STK32C: variants seen among roughly 807,000 people sequenced by gnomAD.
STK32C encodes the protein serine/threonine-protein kinase 32C.
In STK32C, 31 loss-of-function variants were observed where a neutral mutation model predicts 56.5. That is an observed-to-expected ratio of 0.55 (90% CI 0.41 to 0.74). STK32C has a LOEUF of 0.74. STK32C is among the 30% of genes least tolerant of loss of function. The pLI is 0.00. For synonymous variants in STK32C, 309 were observed against 289.4 expected, an observed-to-expected ratio of 1.07 and a Z score of -0.69; for missense variants, 544 against 676.9, an observed-to-expected ratio of 0.80 and a Z score of 2.18.
At chr10:132,247,809 A>C (rs1707973946) in intron 1 of STK32C, among the ~76,000 whole-genome samples, 1 of 151,746 alleles carries the variant, frequency 6.6e-6, no homozygotes, top group Non-Finnish European at 1.5e-5. Flanking sequence ...TTAGAAAGGC[A>C]CTCCCCACTG....
intron 1 of STK32C, among the ~76,000 whole-genome samples, chr10:132,305,782 G>A (rs866812768): frequency 3.9e-5 from 6 of 152,342 alleles, no homozygotes; most frequent in African/African-American, 1.2e-4. Flanking sequence ...GGAGGGAAGC[G>A]GTCACCGCCC....
At chr10:132,216,950 C>A (rs2062491198) in intron 10 of STK32C, among the ~76,000 whole-genome samples, 1 of 152,308 alleles carries the variant, frequency 6.6e-6, no homozygotes, top group South Asian at 2.1e-4. Flanking sequence ...TCTGCTAGGG[C>A]AATGCAGAAG....
chr10:132,330,740 C>T (rs2066664584), intron 1 of STK32C, among the ~76,000 whole-genome samples: 1 of 148,748 alleles, frequency 6.7e-6, no homozygotes, highest in South Asian at 2.2e-4. Context: ...CAACTCCTGG[C>T]CTCAAGCGAT....
chr10:132,324,706 G>A (rs1434029254), intron 1 of STK32C, among the ~76,000 whole-genome samples: 1 of 152,236 alleles, frequency 6.6e-6, no homozygotes, highest in Non-Finnish European at 1.5e-5. Context: ...TTATTTCTGA[G>A]CTAAATATGA....
intron 1 of STK32C, among the ~76,000 whole-genome samples, chr10:132,287,515 GA>G (rs1296133928): frequency 6.7e-6 from 1 of 149,534 alleles, no homozygotes. Context: ...GCAGTGGCGT[GA>G]TCTCGGCTCA....
At chr10:132,247,322 C>T (rs968631802) in intron 1 of STK32C, among the ~76,000 whole-genome samples, 2 of 152,212 alleles carry the variant, frequency 1.3e-5, no homozygotes, top group Admixed American at 6.5e-5. Flanking sequence ...CCACTCCCTT[C>T]CCAGGGCACC....
chr10:132,209,186 C>T, intron 10 of STK32C, 85 bp from the exon 11 acceptor site: 11 of 1,280,164 alleles, frequency 8.6e-6, no homozygotes, highest in Non-Finnish European at 1.2e-5. Flanking sequence ...TGGGCATCCC[C>T]ATCGGGCCTC....
At chr10:132,311,574 G>A (rs1399643465), upstream of STK32C, among the ~76,000 whole-genome samples, 4 of 152,218 alleles carry the variant, frequency 2.6e-5, no homozygotes, top group South Asian at 2.1e-4. The surrounding 1 kb of genome is among the most constrained non-coding windows in gnomAD (Gnocchi z 4.4). Context: ...GGAGCACAGC[G>A]ACGGAGAACA....
chr10:132,280,347 ACT>A (rs2065135344), intron 1 of STK32C, among the ~76,000 whole-genome samples: 1 of 124,818 alleles, frequency 8.0e-6, no homozygotes. Flanking sequence ...TGAGGCCTCC[ACT>A]CCGTGACCAT....
At chr10:132,227,906 G>C (rs1049577263) in intron 3 of STK32C, 71 bp downstream of exon 3, 1 of 1,565,882 alleles carries the variant, frequency 6.4e-7, no homozygotes, top group African/African-American at 1.4e-5. Context: ...CCAAGGGCAG[G>C]AGAGGATAGC....
At chr10:132,224,296 TG>T in intron 8 of STK32C, 110 bp downstream of exon 8, 1 of 790,162 alleles carries the variant, frequency 1.3e-6, no homozygotes, top group Non-Finnish European at 2.1e-6. Context: ...GATCTGTGCC[TG>T]CCAGGAAGCG....
intron 1 of STK32C, among the ~76,000 whole-genome samples, chr10:132,271,385 G>A (rs896986263): frequency 1.3e-5 from 2 of 152,228 alleles, no homozygotes; most frequent in Non-Finnish European, 2.9e-5. Context: ...GAATAGCATG[G>A]AGGGTCAGAA....
chr10:132,332,050 AC>A, upstream of STK32C: 1 of 249,762 alleles, frequency 4.0e-6, no homozygotes, highest in Non-Finnish European at 7.6e-6. Context: ...GCAGGCACAA[AC>A]CCCCACAACA....
intron 4 of STK32C, among the ~76,000 whole-genome samples, 157 bp downstream of exon 4, chr10:132,226,638 C>G (rs1590181435): frequency 6.6e-6 from 1 of 152,360 alleles, no homozygotes; most frequent in South Asian, 2.1e-4. Context: ...CTGGTCGGCA[C>G]AGGTGCCACA....
At chr10:132,274,183 C>G (rs1198620411) in intron 1 of STK32C, among the ~76,000 whole-genome samples, 2 of 152,214 alleles carry the variant, frequency 1.3e-5, no homozygotes, top group African/African-American at 4.8e-5. Context: ...ACCATCCACG[C>G]TGGGTGTGGC....
chr10:132,253,476 A>AACT, intron 1 of STK32C, among the ~76,000 whole-genome samples: 1 of 123,268 alleles, frequency 8.1e-6, no homozygotes, highest in Non-Finnish European at 1.7e-5. Context: ...AGCTGGAGGG[A>AACT]GTCGAGGGAG....
At chr10:132,308,497 G>A (rs2066153758), upstream of STK32C, among the ~76,000 whole-genome samples, 1 of 152,052 alleles carries the variant, frequency 6.6e-6, no homozygotes, top group Admixed American at 6.5e-5. Context: ...GGATGCGGGC[G>A]GCGGGAATCT....
rs1028403440 is a variant in STK32C at position 132,307,334 on chromosome 10, C to T, written c.262+238G>A. 3.0e-5 allele frequency: 11 copies of T among 371,278 alleles called. No homozygotes were observed. The highest frequency in any genetic ancestry group is 2.2e-5 in the African/African-American group (1 of 46,348). 23.0% of individuals were successfully genotyped at this position (371,278 alleles called of 1,614,324 possible). ...CCACAGCCGCGGGGGACCCTCGCCC[C>T]GAGGGCCCGGGCCCAGCCTGCTCCT... On this transcript the variant is annotated intron_variant, in intron 1 of 11. Transcript: ENST00000298630. The surrounding 1 kb of genome is among the most constrained non-coding windows in gnomAD (Gnocchi z 4.4).
At chr10:132,257,789 AC>A (rs1268759028) in intron 1 of STK32C, among the ~76,000 whole-genome samples, 2 of 139,408 alleles carry the variant, frequency 1.4e-5, no homozygotes, top group African/African-American at 5.4e-5. Context: ...AGAACCAAAC[AC>A]CCCCAGGGGA....
Sources: gnomAD v4.1 joint callset for allele counts (sites outside exome capture counted in the v4.1 genomes callset) on GRCh38, gnomAD v4.1.1 for gene constraint, Gnocchi (gnomAD v3.1) non-coding constraint, MANE v1.5 for transcripts, NCBI Gene and HGNC (gene_info 2026-07-23, HGNC 2026-07-21) for gene names.